The following CPNE4 variants were observed in gnomAD, a reference collection of about 807,000 sequenced individuals.
CPNE4 encodes the protein copine 4.
A neutral mutation model predicts 67.9 loss-of-function variants in CPNE4; 25 were observed. The ratio of observed to expected loss-of-function variants is 0.37; its 90% CI spans 0.27 to 0.51. The LOEUF (loss-of-function observed/expected upper bound fraction) is 0.51. Among genes scored for constraint, CPNE4 ranks in the 20% least tolerant of loss-of-function variants. The probability of loss-of-function intolerance (pLI) is 0.93; values close to 1 mark genes in which losing one functional copy is unlikely to be tolerated. For synonymous variants in CPNE4, 242 were observed against 244.9 expected (o/e 0.99, Z 0.11); for missense variants, 464 against 690.8 (o/e 0.67, Z 3.68).
intron 2 of CPNE4, among the ~76,000 whole-genome samples, chr3:131,749,228 A>G (rs921145821): frequency 1.3e-5 from 2 of 152,122 alleles, no homozygotes; most frequent in African/African-American, 4.8e-5. Flanking sequence ...ATTATGCAGA[A>G]GTCTGTTGCT....
At chr3:132,022,711 T>A (rs570120858) in intron 1 of CPNE4, among the ~76,000 whole-genome samples, 1 of 152,276 alleles carries the variant, frequency 6.6e-6, no homozygotes, top group Admixed American at 6.5e-5. Context: ...GTGCCTGATG[T>A]CAAACATCTG....
chr3:131,547,885 G>A (rs1466533154), intron 14 of CPNE4, among the ~76,000 whole-genome samples: 1 of 152,168 alleles, frequency 6.6e-6, no homozygotes, highest in Non-Finnish European at 1.5e-5. Context: ...TGGATGTTGT[G>A]TAGCAGATTG....
intron 1 of CPNE4, among the ~76,000 whole-genome samples, chr3:131,953,238 T>TAAAAAAAAAAAA (rs369308316): frequency 1.3e-5 from 1 of 75,702 alleles, no homozygotes; most frequent in Non-Finnish European, 2.8e-5. Flanking sequence ...GAATGATCAA[T>TAAAAAAAAAAAA]TAAAAAAAAA....
intron 2 of CPNE4, among the ~76,000 whole-genome samples, chr3:131,747,048 C>T (rs57350624): frequency 6.6e-6 from 1 of 150,836 alleles, no homozygotes; most frequent in Non-Finnish European, 1.5e-5. Context: ...TTTCATATAT[C>T]TGTTGGCCAT....
chr3:131,771,545 G>A (rs1032537651), intron 2 of CPNE4, among the ~76,000 whole-genome samples: 25 of 151,996 alleles, frequency 1.6e-4, no homozygotes, highest in African/African-American at 4.6e-4. Flanking sequence ...TTCTTCTCTC[G>A]CCATATGATT....
chr3:131,982,888 T>G (rs1208432562), intron 1 of CPNE4, among the ~76,000 whole-genome samples: 1 of 152,042 alleles, frequency 6.6e-6, no homozygotes, highest in African/African-American at 2.4e-5. Flanking sequence ...CTGCCTACAT[T>G]ATCATCATGG....
chr3:131,613,790 AC>A (rs1218828808), intron 7 of CPNE4, among the ~76,000 whole-genome samples: 3 of 152,112 alleles, frequency 2.0e-5, no homozygotes, highest in Admixed American at 6.6e-5. Flanking sequence ...CTGGTCATGT[AC>A]AGGTCATTTA....
At chr3:131,985,404 A>G (rs2073017975) in intron 1 of CPNE4, among the ~76,000 whole-genome samples, 1 of 152,190 alleles carries the variant, frequency 6.6e-6, no homozygotes, top group Non-Finnish European at 1.5e-5. Flanking sequence ...TTTACTATGC[A>G]TCATGTTAGA....
chr3:131,745,926 GCTGGTATTTT>G (rs2082477212), intron 2 of CPNE4, among the ~76,000 whole-genome samples: 1 of 151,956 alleles, frequency 6.6e-6, no homozygotes, highest in African/African-American at 2.4e-5. Flanking sequence ...AAAATATCTT[GCTGGTATTTT>G]TATAGAAATT....
At chr3:131,807,999 T>C (rs1479792403) in intron 2 of CPNE4, among the ~76,000 whole-genome samples, 2 of 152,156 alleles carry the variant, frequency 1.3e-5, no homozygotes, top group African/African-American at 2.4e-5. Flanking sequence ...CATAAGGTAA[T>C]GCTAGAGGAC....
At chr3:131,811,391 T>C (rs2084521804) in intron 2 of CPNE4, among the ~76,000 whole-genome samples, 1 of 152,066 alleles carries the variant, frequency 6.6e-6, no homozygotes, top group Admixed American at 6.6e-5. Context: ...AAAATATATA[T>C]ATATAAAGAT....
chr3:131,876,177 T>C (rs1369650061), intron 2 of CPNE4, among the ~76,000 whole-genome samples: 1 of 151,598 alleles, frequency 6.6e-6, no homozygotes, highest in Non-Finnish European at 1.5e-5. Context: ...AGGCGGAGGT[T>C]ACAGTGAGCC....
chr3:131,849,590 T>A (rs555535387), intron 2 of CPNE4, among the ~76,000 whole-genome samples: 7 of 152,210 alleles, frequency 4.6e-5, no homozygotes, highest in African/African-American at 1.7e-4. Flanking sequence ...GTATTACAAC[T>A]GGACATAAGA....
At chr3:131,634,594 A>T (rs2079326353) in intron 7 of CPNE4, among the ~76,000 whole-genome samples, 3 of 152,158 alleles carry the variant, frequency 2.0e-5, no homozygotes, top group Admixed American at 2.0e-4. Flanking sequence ...AATACTTTAG[A>T]TTGGGTAAAT....
At chr3:131,955,133 G>A (rs2071908445) in intron 1 of CPNE4, among the ~76,000 whole-genome samples, 1 of 150,920 alleles carries the variant, frequency 6.6e-6, no homozygotes. Context: ...TACTTTTAGT[G>A]GGAAGGGCTA....
intron 2 of CPNE4, among the ~76,000 whole-genome samples, chr3:131,724,415 G>A (rs190699694): frequency 5.9e-5 from 9 of 152,202 alleles, no homozygotes; most frequent in African/African-American, 2.2e-4. Context: ...TGTGATAATA[G>A]TTTTTCAGTT....
chr3:131,965,958 C>T (rs1286954271), intron 1 of CPNE4, among the ~76,000 whole-genome samples: 1 of 152,214 alleles, frequency 6.6e-6, no homozygotes, highest in East Asian at 1.9e-4. Flanking sequence ...CTAAAATTGA[C>T]CACATAATTC....
chr3:131,788,697 A>T (rs1039927167), intron 2 of CPNE4, among the ~76,000 whole-genome samples: 26 of 152,292 alleles, frequency 1.7e-4, no homozygotes, highest in African/African-American at 6.0e-4. Flanking sequence ...TAAGGGAATT[A>T]GGATTAAATA....
intron 1 of CPNE4, among the ~76,000 whole-genome samples, chr3:132,014,465 A>G (rs2073847499): frequency 1.3e-5 from 2 of 152,198 alleles, no homozygotes; most frequent in Admixed American, 6.5e-5. Flanking sequence ...AGAAAGAGGC[A>G]CCATCAAGCT....
Sources: allele counts gnomAD v4.1 joint callset (sites outside exome capture counted in the v4.1 genomes callset), GRCh38; gene constraint gnomAD v4.1.1; transcripts MANE v1.5; gene names NCBI Gene and HGNC (gene_info 2026-07-23, HGNC 2026-07-21).